The following FOXN3 variants were observed in gnomAD, a reference collection of about 807,000 sequenced individuals.
FOXN3 encodes the protein forkhead box N3, also known as forkhead box protein N3.
Under a neutral mutation model 38.4 loss-of-function variants are expected in FOXN3, and 7 were observed. The ratio of observed to expected loss-of-function variants is 0.18; its 90% CI spans 0.10 to 0.34. FOXN3 has a LOEUF of 0.34. FOXN3 is among the 10% of genes least tolerant of loss of function. The pLI, the probability that FOXN3 is intolerant of heterozygous loss-of-function variation, is 1.00. For missense variants in FOXN3, 456 were observed against 613.4 expected (o/e 0.74, Z 2.71); for synonymous variants, 230 against 242.2 (o/e 0.95, Z 0.47).
At chr14:89,541,025 T>G (rs1894782198) in intron 1 of FOXN3, among the ~76,000 whole-genome samples, 1 of 152,198 alleles carries the variant, frequency 6.6e-6, no homozygotes, top group African/African-American at 2.4e-5. Flanking sequence ...CACAGTATGT[T>G]AGAATTGGAA....
Position 89,161,371 on chromosome 14 carries a change from C to A in FOXN3, c.*1043G>T, listed in dbSNP as rs1887093706. ...TACACCACAATACTAATGGCAGGTT[C>A]CGTAGCTTTCTAGTTTTTTTTTTTT... On this transcript the variant is annotated 3_prime_UTR_variant, in exon 6 of 6. Transcript: ENST00000557258. 6.7e-6 allele frequency: 1 copy of A among 149,384 alleles called. No homozygotes were observed. The highest frequency in any genetic ancestry group is 6.7e-5 in the Admixed American group (1 of 15,012). 9.3% of individuals were successfully genotyped at this position (149,384 alleles called of 1,614,324 possible). A position where few individuals can be genotyped will look rare whatever the true frequency, so the allele number is the denominator to read the frequency against.
At chr14:89,423,939 C>A (rs1209226485) in intron 1 of FOXN3, among the ~76,000 whole-genome samples, 1 of 152,140 alleles carries the variant, frequency 6.6e-6, no homozygotes, top group African/African-American at 2.4e-5. Flanking sequence ...TGGGAAGAGG[C>A]AATAAACCCC....
At chr14:89,257,026 T>C (rs1885644806) in intron 4 of FOXN3, among the ~76,000 whole-genome samples, 1 of 152,236 alleles carries the variant, frequency 6.6e-6, no homozygotes, top group Non-Finnish European at 1.5e-5. Context: ...AAACCAGTTA[T>C]TTTTGGGCAG....
Position 89,552,411 on chromosome 14 carries a change from C to T in FOXN3, c.-15+66617G>A, listed in dbSNP as rs566874759. Among the ~76,000 whole-genome samples the T allele has an allele frequency of 2.0e-5, 3 of 152,328 alleles. No homozygotes were observed. The East Asian group carries it at 5.8e-4, about 29-fold the overall frequency. ...TGTAAATAAGCTGAACCCATTCAAA[C>T]AACCAAATGATTTTAGTTCGCAATA... is the stretch of plus-strand genomic sequence containing the variant. On this transcript the variant is annotated intron_variant, in intron 1 of 6. Coordinates refer to the FOXN3 transcript ENST00000345097.
At chr14:89,379,318 G>A (rs750309885) in intron 2 of FOXN3, among the ~76,000 whole-genome samples, 1 of 152,096 alleles carries the variant, frequency 6.6e-6, no homozygotes, top group African/African-American at 2.4e-5. Flanking sequence ...GGTGAAGATC[G>A]AAAGATTTTG....
intron 1 of FOXN3, among the ~76,000 whole-genome samples, chr14:89,522,535 A>G (rs1894343839): frequency 6.6e-6 from 1 of 152,182 alleles, no homozygotes; most frequent in Non-Finnish European, 1.5e-5. Flanking sequence ...AAACAATAAC[A>G]TGAATGGTGG....
intron 1 of FOXN3, among the ~76,000 whole-genome samples, chr14:89,541,024 T>A (rs1894782149): frequency 6.6e-6 from 1 of 152,172 alleles, no homozygotes; most frequent in African/African-American, 2.4e-5. Context: ...TCACAGTATG[T>A]TAGAATTGGA....
intron 4 of FOXN3, among the ~76,000 whole-genome samples, chr14:89,227,559 C>T (rs528684924): frequency 6.6e-6 from 1 of 152,252 alleles, no homozygotes; most frequent in South Asian, 2.1e-4. Flanking sequence ...GGTTCTAGAC[C>T]AGCGGTTCTT....
At chr14:89,464,924 C>G (rs963744766) in intron 1 of FOXN3, among the ~76,000 whole-genome samples, 5 of 152,158 alleles carry the variant, frequency 3.3e-5, no homozygotes, top group Admixed American at 1.3e-4. Flanking sequence ...TCTCGAACAC[C>G]TGACCTCGTG....
chr14:89,226,695 G>A (rs1884650883), intron 4 of FOXN3, among the ~76,000 whole-genome samples: 1 of 152,140 alleles, frequency 6.6e-6, no homozygotes, highest in Non-Finnish European at 1.5e-5. Context: ...GGTCTTATTT[G>A]GAATCAGGTT....
intron 4 of FOXN3, among the ~76,000 whole-genome samples, chr14:89,197,846 G>A (rs957555555): frequency 1.3e-5 from 2 of 152,208 alleles, no homozygotes; most frequent in Non-Finnish European, 2.9e-5. Context: ...AACGGCTGTC[G>A]CAGTAAATGA....
intron 1 of FOXN3, among the ~76,000 whole-genome samples, chr14:89,543,288 T>C (rs1421292196): frequency 6.6e-6 from 1 of 152,162 alleles, no homozygotes; most frequent in Non-Finnish European, 1.5e-5. Flanking sequence ...AGGTAGTTTC[T>C]ACAGAGATGA....
At chr14:89,249,833 T>C (rs575502145) in intron 4 of FOXN3, among the ~76,000 whole-genome samples, 2 of 152,332 alleles carry the variant, frequency 1.3e-5, no homozygotes, top group Admixed American at 6.5e-5. Context: ...CTGTTTCGCA[T>C]GGCTTGAGAG....
At chr14:89,566,196 C>CT (rs1895346967) in intron 1 of FOXN3, among the ~76,000 whole-genome samples, 1 of 152,082 alleles carries the variant, frequency 6.6e-6, no homozygotes, top group Non-Finnish European at 1.5e-5. Flanking sequence ...ACTATTTTAC[C>CT]TTTTTTTCAA....
intron 1 of FOXN3, among the ~76,000 whole-genome samples, chr14:89,554,150 C>T (rs113044146): frequency 3.3e-5 from 5 of 151,980 alleles, no homozygotes; most frequent in African/African-American, 1.2e-4. Flanking sequence ...TACAGGTGCC[C>T]GCCACCATAC....
intron 4 of FOXN3, among the ~76,000 whole-genome samples, chr14:89,229,888 G>A (rs1168524799): frequency 1.3e-5 from 2 of 152,214 alleles, no homozygotes; most frequent in Admixed American, 6.5e-5. Context: ...ACAGGCAGAG[G>A]AGAACAGCTC....
intron 1 of FOXN3, among the ~76,000 whole-genome samples, chr14:89,528,658 C>A (rs377125): frequency 0.43 from 63,519 of 149,434 alleles, 14,138 homozygotes; most frequent in East Asian, 0.71. Flanking sequence ...GGCCTCCCAA[C>A]GTGCTGGGAT....
rs1894343506 is a variant in FOXN3 at position 89,522,511 on chromosome 14, G to C, written c.-15+96517C>G. Among the ~76,000 whole-genome samples, 3 of 151,888 alleles carry C rather than the reference G, an allele frequency of 2.0e-5. No individual in the cohort carries two copies. The South Asian group carries it at 6.2e-4, about 32-fold the overall frequency. On this transcript the variant is annotated intron_variant, in intron 1 of 6. Transcript: ENST00000345097. ...TTTAAATATCTTTAAAACAAAATCG[G>C]CTATTTAAAGCAAAAACAATAACAT...
At chr14:89,419,965 C>T (rs1891857709), upstream of FOXN3, among the ~76,000 whole-genome samples, 1 of 152,210 alleles carries the variant, frequency 6.6e-6, no homozygotes, top group African/African-American at 2.4e-5. Flanking sequence ...CCTGGAAAGA[C>T]AGTCTTCTGG....
Sources: gnomAD v4.1 joint callset for allele counts (sites outside exome capture counted in the v4.1 genomes callset) on GRCh38, gnomAD v4.1.1 for gene constraint, MANE v1.5 for transcripts, NCBI Gene and HGNC (gene_info 2026-07-23, HGNC 2026-07-21) for gene names.